PKHD1: variants seen among roughly 807,000 people sequenced by gnomAD.
PKHD1 encodes the protein fibrocystin.
PKHD1 carries 291 observed loss-of-function variants against 412.0 expected under a neutral mutation model. The ratio of observed to expected loss-of-function variants is 0.71; its 90% confidence interval spans 0.64 to 0.78. PKHD1 has a LOEUF of 0.78. Among genes scored for constraint, PKHD1 ranks in the 30% least tolerant of loss-of-function variants. The pLI is 0.00. For synonymous variants in PKHD1, 1,777 were observed against 1,821.5 expected, an observed-to-expected ratio of 0.98 and a Z score of 0.62; for missense variants, 4,825 against 4,950.7, an observed-to-expected ratio of 0.97 and a Z score of 0.76.
At position 51,627,120 on chromosome 6, in the gene PKHD1, T is replaced by C; in HGVS notation, c.11666-4A>G. 1 of 1,610,830 alleles carries C rather than the reference T, an allele frequency of 6.2e-7. No homozygotes were observed. Among genetic ancestry groups the C allele is most frequent in the Non-Finnish European group, 8.5e-7 (1 of 1,177,680 alleles). On this transcript the variant is annotated splice_region_variant and splice_polypyrimidine_tract_variant and intron_variant, in intron 65 of 66. Transcript: ENST00000371117. ...GGAATCTCTTCAGGTTTTGTTTCTG[T>C]ATTAATGGAGAAGAAAAAGGATTTT...
At chr6:51,655,552 T>C (rs181124489) in intron 61 of PKHD1, among the ~76,000 whole-genome samples, 1 of 152,138 alleles carries the variant, frequency 6.6e-6, no homozygotes, top group Non-Finnish European at 1.5e-5. Context: ...CCAAAATTCA[T>C]GGCAATGTCA....
At chr6:52,066,339 A>G (rs1036006184) in intron 11 of PKHD1, among the ~76,000 whole-genome samples, 83 of 152,316 alleles carry the variant, frequency 5.4e-4, no homozygotes, top group Admixed American at 2.0e-3. Context: ...AGCCCCTAGT[A>G]CCATGACATT....
At chr6:52,018,707 G>T (rs1045987611) in intron 33 of PKHD1, among the ~76,000 whole-genome samples, 4 of 152,044 alleles carry the variant, frequency 2.6e-5, no homozygotes, top group Non-Finnish European at 5.9e-5. Flanking sequence ...CAGAGAGAGG[G>T]TTTCACCATG....
intron 54 of PKHD1, among the ~76,000 whole-genome samples, chr6:51,775,286 A>T (rs1400034956): frequency 1.3e-5 from 2 of 151,842 alleles, no homozygotes; most frequent in Non-Finnish European, 2.9e-5. Flanking sequence ...AATCTGATGA[A>T]CATTCTCTTA....
intron 35 of PKHD1, among the ~76,000 whole-genome samples, chr6:51,987,921 C>T (rs1303313497): frequency 6.6e-6 from 1 of 152,120 alleles, no homozygotes; most frequent in Non-Finnish European, 1.5e-5. Flanking sequence ...TTGGTAGTCA[C>T]CTAATTTCCC....
In PKHD1 at chr6:51,707,992, C is replaced by A. The variant is rs775852042; in HGVS notation, c.10156+36393G>T. 4.1e-4 allele frequency among the ~76,000 whole-genome samples: 63 copies of A among 152,262 alleles called. 1 individual carries two copies. The highest frequency in any genetic ancestry group is 2.2e-3 in the Admixed American group (34 of 15,302). On this transcript the variant is annotated intron_variant, in intron 60 of 66. Coordinates refer to ENST00000371117, the MANE Select transcript of PKHD1 (RefSeq NM_138694.4). ...CACATAATTTTATTCTGTCCCTGAG[C>A]CTTGGTTACATCTACAGGGTGATCC...
chr6:51,967,349 C>G (rs556581388), intron 35 of PKHD1, among the ~76,000 whole-genome samples: 1 of 151,756 alleles, frequency 6.6e-6, no homozygotes, highest in Non-Finnish European at 1.5e-5. Context: ...GTTTGGGGAC[C>G]CCGGTAAATT....
intron 43 of PKHD1, among the ~76,000 whole-genome samples, chr6:51,888,213 C>T (rs1778509327): frequency 6.6e-6 from 1 of 152,132 alleles, no homozygotes; most frequent in African/African-American, 2.4e-5. Flanking sequence ...TATTAAGTCG[C>T]CTTGATATTT....
intron 52 of PKHD1, among the ~76,000 whole-genome samples, chr6:51,794,045 G>T (rs1181097276): frequency 3.4e-5 from 4 of 117,992 alleles, no homozygotes; most frequent in African/African-American, 5.9e-5. Context: ...GTTGCTTTTT[G>T]ACTTTTTTTT....
At chr6:51,926,286 A>T (rs1339011014) in intron 37 of PKHD1, among the ~76,000 whole-genome samples, 1 of 152,154 alleles carries the variant, frequency 6.6e-6, no homozygotes, top group Non-Finnish European at 1.5e-5. Flanking sequence ...AAGCAGAACC[A>T]AGAGTCGCAG....
intron 41 of PKHD1, 53 bp from the exon 42 acceptor site, chr6:51,904,095 C>T: frequency 1.7e-6 from 2 of 1,161,586 alleles, no homozygotes; most frequent in Non-Finnish European, 2.6e-6. Context: ...CTTAGGAAAA[C>T]AAGAGATGCT....
intron 52 of PKHD1, among the ~76,000 whole-genome samples, chr6:51,807,280 T>G (rs967007033): frequency 2.0e-5 from 3 of 150,550 alleles, no homozygotes; most frequent in Non-Finnish European, 4.4e-5. Flanking sequence ...ACTAAAAAAA[T>G]GAAAAATATT....
chr6:52,061,900 T>C (rs1808735395), intron 14 of PKHD1, among the ~76,000 whole-genome samples: 1 of 152,192 alleles, frequency 6.6e-6, no homozygotes, highest in Admixed American at 6.5e-5. Flanking sequence ...TTTATATTTT[T>C]AAGTTTACTT....
intron 60 of PKHD1, among the ~76,000 whole-genome samples, chr6:51,733,363 AC>A (rs1370255668): frequency 6.6e-6 from 1 of 151,972 alleles, no homozygotes; most frequent in African/African-American, 2.4e-5. Context: ...ACACAGTGAA[AC>A]CCTGTCTCTA....
chr6:52,077,465 T>G (rs865886967), intron 5 of PKHD1, among the ~76,000 whole-genome samples: 1 of 152,212 alleles, frequency 6.6e-6, no homozygotes, highest in Non-Finnish European at 1.5e-5. Context: ...CAACCTACAG[T>G]GCTTCCCATT....
At chr6:51,649,712 G>A (rs1770638541) in intron 61 of PKHD1, among the ~76,000 whole-genome samples, 1 of 152,096 alleles carries the variant, frequency 6.6e-6, no homozygotes, top group Non-Finnish European at 1.5e-5. Context: ...ACTGAGCAGA[G>A]CTGGGAAGAG....
At chr6:51,802,625 A>T (rs1763107258) in intron 52 of PKHD1, among the ~76,000 whole-genome samples, 1 of 151,638 alleles carries the variant, frequency 6.6e-6, no homozygotes, top group South Asian at 2.1e-4. Flanking sequence ...AACTTTTAGT[A>T]AATAAATATA....
intron 60 of PKHD1, among the ~76,000 whole-genome samples, chr6:51,692,051 G>T (rs544396903): frequency 6.6e-6 from 1 of 152,012 alleles, no homozygotes; most frequent in African/African-American, 2.4e-5. Flanking sequence ...AGCCCTTTCT[G>T]GGCTTCCTCC....
intron 43 of PKHD1, among the ~76,000 whole-genome samples, chr6:51,901,300 G>A (rs1398688668): frequency 1.3e-5 from 2 of 152,164 alleles, no homozygotes; most frequent in Non-Finnish European, 2.9e-5. Context: ...ACTGCATCAA[G>A]AAAACGTGGC....
Sources: gnomAD v4.1 joint callset for allele counts (sites outside exome capture counted in the v4.1 genomes callset) on GRCh38, gnomAD v4.1.1 for gene constraint, MANE v1.5 for transcripts, NCBI Gene and HGNC (gene_info 2026-07-23, HGNC 2026-07-21) for gene names.